The following PKIB variants were observed in gnomAD, a reference collection of about 807,000 sequenced individuals.
PKIB encodes PKI-beta.
Under a neutral mutation model 4.5 loss-of-function variants are expected in PKIB, and 2 were observed. That is an observed-to-expected ratio of 0.44 (90% CI 0.18 to 1.39). PKIB has a LOEUF of 1.39. PKIB is among the 40% of genes most tolerant of loss of function. PKIB has a pLI of 0.27. For missense variants in PKIB, 94 were observed against 92.6 expected, an observed-to-expected ratio of 1.02 and a Z score of -0.06; for synonymous variants, 38 against 36.0, an observed-to-expected ratio of 1.06 and a Z score of -0.20.
intron 2 of PKIB, among the ~76,000 whole-genome samples, chr6:122,507,854 A>G (rs949681696): frequency 6.6e-6 from 1 of 151,796 alleles, no homozygotes; most frequent in African/African-American, 2.4e-5. Flanking sequence ...CTTTATGAAC[A>G]TTTACCTTTT....
At chr6:122,708,860 T>TC (rs1779161535) in intron 3 of PKIB, among the ~76,000 whole-genome samples, 1 of 152,138 alleles carries the variant, frequency 6.6e-6, no homozygotes, top group South Asian at 2.1e-4. Context: ...CTCAAACTCC[T>TC]GACCTCAGGT....
chr6:122,603,970 G>A (rs1199392074), intron 3 of PKIB, among the ~76,000 whole-genome samples: 11 of 152,152 alleles, frequency 7.2e-5, no homozygotes, highest in Non-Finnish European at 1.6e-4. Context: ...TAGTGTGTGT[G>A]TGTACTTATG....
At chr6:122,497,844 A>G (rs758633234) in intron 2 of PKIB, among the ~76,000 whole-genome samples, 2 of 152,288 alleles carry the variant, frequency 1.3e-5, no homozygotes, top group African/African-American at 4.8e-5. Context: ...CTTAAATTCA[A>G]CACTTGACCA....
chr6:122,667,704 T>G (rs998457813), intron 2 of PKIB, among the ~76,000 whole-genome samples: 1 of 152,204 alleles, frequency 6.6e-6, no homozygotes, highest in Non-Finnish European at 1.5e-5. Flanking sequence ...CTTCTTTTAT[T>G]GAGGCTTTGC....
intron 1 of PKIB, among the ~76,000 whole-genome samples, chr6:122,620,387 A>G (rs1403504911): frequency 6.6e-6 from 1 of 152,168 alleles, no homozygotes; most frequent in East Asian, 1.9e-4. Context: ...AGAAGCACAG[A>G]CTCAGAAGTA....
At position 122,596,427 on chromosome 6, in the gene PKIB, C is replaced by T. The variant is rs544840180; in HGVS notation, c.-161+10420C>T. Among the ~76,000 whole-genome samples, 9 of 152,316 alleles carry T rather than the reference C, an allele frequency of 5.9e-5. 1 individual carries two copies. In the East Asian group the frequency reaches 1.5e-3, roughly 26 times the overall value. On this transcript the variant is annotated intron_variant, in intron 3 of 6. Transcript: ENST00000392491. ...TGTAACTTACTTGTGCCTTCAGGAC[C>T]TGCCCAAGCCTGATCACGTATATAC...
intron 2 of PKIB, among the ~76,000 whole-genome samples, chr6:122,660,870 C>G (rs1243331789): frequency 2.0e-5 from 3 of 152,124 alleles, no homozygotes; most frequent in Non-Finnish European, 4.4e-5. Flanking sequence ...CCATTCATCT[C>G]AAGACCCACT....
intron 2 of PKIB, among the ~76,000 whole-genome samples, chr6:122,513,161 A>G (rs540103180): frequency 1.3e-5 from 2 of 152,262 alleles, no homozygotes; most frequent in Admixed American, 1.3e-4. Context: ...TCCCTGTAAG[A>G]CCATTAATCT....
chr6:122,614,515 G>C (rs1774904672), intron 1 of PKIB, among the ~76,000 whole-genome samples: 1 of 151,982 alleles, frequency 6.6e-6, no homozygotes, highest in South Asian at 2.1e-4. Context: ...GGGTGTGGGA[G>C]TAAGCATCCC....
At chr6:122,499,771 C>G (rs1301346316) in intron 2 of PKIB, among the ~76,000 whole-genome samples, 1 of 152,124 alleles carries the variant, frequency 6.6e-6, no homozygotes, top group African/African-American at 2.4e-5. Flanking sequence ...AGCCAAATTT[C>G]ATCTCTTTTT....
chr6:122,576,560 C>T (rs978439873), intron 2 of PKIB, among the ~76,000 whole-genome samples: 1 of 146,640 alleles, frequency 6.8e-6, no homozygotes, highest in Non-Finnish European at 1.5e-5. Flanking sequence ...CCCAGCTAAT[C>T]GGGAGGCTGA....
intron 2 of PKIB, among the ~76,000 whole-genome samples, chr6:122,671,019 C>T (rs775314859): frequency 2.8e-4 from 42 of 152,250 alleles, no homozygotes; most frequent in South Asian, 6.2e-4. Context: ...AGAGGCCAGG[C>T]GCGGTGGCTC....
intron 3 of PKIB, among the ~76,000 whole-genome samples, chr6:122,702,311 A>G (rs1312911396): frequency 2.8e-5 from 4 of 144,196 alleles, no homozygotes; most frequent in Admixed American, 1.5e-4. Context: ...GGTCTCAGGT[A>G]ATTTTTTAAA....
chr6:122,710,159 A>G (rs1779214875), intron 3 of PKIB, among the ~76,000 whole-genome samples: 1 of 152,160 alleles, frequency 6.6e-6, no homozygotes, highest in African/African-American at 2.4e-5. Context: ...TCTACTAGGC[A>G]GAGGGATATG....
chr6:122,541,299 A>G (rs1173187665), intron 2 of PKIB, among the ~76,000 whole-genome samples: 1 of 151,956 alleles, frequency 6.6e-6, no homozygotes, highest in Non-Finnish European at 1.5e-5. Context: ...ACATTTTGGC[A>G]TGTTTTTGCA....
intron 2 of PKIB, chr6:122,479,837 G>T (rs544099): frequency 0.71 from 107,228 of 151,982 alleles, 37,949 homozygotes; most frequent in South Asian, 0.78. Flanking sequence ...TACTGTTTCT[G>T]GCTTTTCACT....
intron 2 of PKIB, among the ~76,000 whole-genome samples, chr6:122,489,867 C>A (rs1438821075): frequency 6.6e-6 from 1 of 152,184 alleles, no homozygotes; most frequent in Non-Finnish European, 1.5e-5. Flanking sequence ...TCACAGTATA[C>A]CCACACTTTC....
At chr6:122,694,380 A>G (rs1047189616) in intron 3 of PKIB, among the ~76,000 whole-genome samples, 2 of 152,198 alleles carry the variant, frequency 1.3e-5, no homozygotes, top group Middle Eastern at 3.2e-3. Flanking sequence ...TAAATGGCAT[A>G]AGATTAATTT....
chr6:122,520,254 A>G (rs977268983), intron 2 of PKIB, among the ~76,000 whole-genome samples: 1 of 152,180 alleles, frequency 6.6e-6, no homozygotes, highest in South Asian at 2.1e-4. Flanking sequence ...GAAAAGAGCC[A>G]TGCATTTTTG....
Sources: gnomAD v4.1 joint callset for allele counts (sites outside exome capture counted in the v4.1 genomes callset) on GRCh38, gnomAD v4.1.1 for gene constraint, MANE v1.5 for transcripts, NCBI Gene and HGNC (gene_info 2026-07-23, HGNC 2026-07-21) for gene names.